Variants in TNIP3 observed in about 807,000 individuals in gnomAD.
TNIP3 encodes the protein TNFAIP3-interacting protein 3.
Under a neutral mutation model 54.1 loss-of-function variants are expected in TNIP3, and 34 were observed. The ratio of observed to expected loss-of-function variants is 0.63; its 90% CI spans 0.48 to 0.84. The LOEUF (loss-of-function observed/expected upper bound fraction) is 0.84. TNIP3 is among the 40% of genes least tolerant of loss of function. The pLI is 0.00. For missense variants in TNIP3, 366 were observed against 387.6 expected, an observed-to-expected ratio of 0.94 and a Z score of 0.47; for synonymous variants, 134 against 136.8, an observed-to-expected ratio of 0.98 and a Z score of 0.14.
At chr4:121,198,671 A>G (rs1438586503) in intron 2 of TNIP3, among the ~76,000 whole-genome samples, 3 of 152,256 alleles carry the variant, frequency 2.0e-5, no homozygotes, top group Non-Finnish European at 4.4e-5. Context: ...GTTCCTTAAT[A>G]AACATGGCTT....
intron 1 of TNIP3, among the ~76,000 whole-genome samples, chr4:121,224,344 C>G (rs902844900): frequency 6.8e-6 from 1 of 147,864 alleles, no homozygotes; most frequent in Non-Finnish European, 1.5e-5. Context: ...GCCTGGGCAA[C>G]AGAGCAAGAC....
intron 5 of TNIP3, among the ~76,000 whole-genome samples, chr4:121,151,706 A>G (rs1386185914): frequency 6.6e-6 from 1 of 152,072 alleles, no homozygotes; most frequent in East Asian, 1.9e-4. Context: ...GGAATAGACT[A>G]CTTTTGTAGA....
In TNIP3 at chr4:121,164,228, A is replaced by C. The variant is rs1279029472; in HGVS notation, c.-103T>G. 2 of 1,573,712 alleles carry C rather than the reference A, an allele frequency of 1.3e-6. No homozygotes were observed. Among genetic ancestry groups the C allele is most frequent in the Non-Finnish European group, 1.7e-6 (2 of 1,163,610 alleles). ...AGAGCAAGTATACAAAATTTAAAAAACACACATCACCGTTAACTCATAATA... is the reference window on the plus strand; with the variant it reads ...AGAGCAAGTATACAAAATTTAAAAACCACACATCACCGTTAACTCATAATA... On this transcript the variant is annotated 5_prime_UTR_variant, in exon 1 of 11. Transcript: ENST00000057513.
At chr4:121,167,621 AC>A (rs1182701891), upstream of TNIP3, among the ~76,000 whole-genome samples, 1 of 152,160 alleles carries the variant, frequency 6.6e-6, no homozygotes, top group Non-Finnish European at 1.5e-5. Context: ...AGAAATGTTG[AC>A]CTTATAGGCC....
intron 2 of TNIP3, among the ~76,000 whole-genome samples, chr4:121,185,483 C>T (rs1374597947): frequency 2.6e-5 from 4 of 151,986 alleles, no homozygotes; most frequent in Admixed American, 6.6e-5. Flanking sequence ...TACTTTTCTC[C>T]TCCCTTGCCC....
chr4:121,180,915 A>G (rs1724655698), intron 3 of TNIP3, among the ~76,000 whole-genome samples: 2 of 152,206 alleles, frequency 1.3e-5, no homozygotes, highest in Non-Finnish European at 1.5e-5. Context: ...CAGTCTCTGT[A>G]GATGTCTTTA....
At chr4:121,220,533 T>C (rs969807014), upstream of TNIP3, among the ~76,000 whole-genome samples, 1 of 152,220 alleles carries the variant, frequency 6.6e-6, no homozygotes, top group Non-Finnish European at 1.5e-5. Context: ...TCAAATTTGG[T>C]AACTTAACCT....
intron 2 of TNIP3, among the ~76,000 whole-genome samples, chr4:121,210,529 C>A (rs1726424931): frequency 6.6e-6 from 1 of 152,180 alleles, no homozygotes; most frequent in South Asian, 2.1e-4. Flanking sequence ...GTGTCTTAGT[C>A]TTCTTGAGTT....
chr4:121,206,720 C>A (rs1220567306), intron 2 of TNIP3, among the ~76,000 whole-genome samples: 1 of 152,004 alleles, frequency 6.6e-6, no homozygotes, highest in Non-Finnish European at 1.5e-5. Flanking sequence ...TGTCACCATG[C>A]TCAGCTAATT....
At chr4:121,215,240 C>T (rs535943264) in intron 2 of TNIP3, among the ~76,000 whole-genome samples, 7 of 152,244 alleles carry the variant, frequency 4.6e-5, no homozygotes, top group South Asian at 2.1e-4. Context: ...TTAATGAAAA[C>T]GTTCTCATAG....
rs757743871 is a variant in TNIP3 at position 121,164,163 on chromosome 4, A to C, written c.-38T>G. The C allele has an allele frequency of 1.2e-6, 2 of 1,613,260 alleles. No homozygotes were observed. Among genetic ancestry groups the C allele is most frequent in the Non-Finnish European group, 8.5e-7 (1 of 1,179,592 alleles). ...TCCTGGAGTCTTGGAAAGCAGAAAGAAAAACAGGGGAAAAGTCTCTTAAGG... is the reference window on the plus strand; with the variant it reads ...TCCTGGAGTCTTGGAAAGCAGAAAGCAAAACAGGGGAAAAGTCTCTTAAGG... On this transcript the variant is annotated 5_prime_UTR_variant, in exon 1 of 11. Transcript: ENST00000057513.
At chr4:121,202,084 AAG>A (rs1725923442) in intron 2 of TNIP3, among the ~76,000 whole-genome samples, 2 of 152,166 alleles carry the variant, frequency 1.3e-5, no homozygotes, top group Admixed American at 1.3e-4. Flanking sequence ...GAACCAAAAA[AAG>A]AGCCCACACA....
intron 8 of TNIP3, 83 bp downstream of exon 8, chr4:121,142,643 G>C: frequency 7.8e-7 from 1 of 1,278,308 alleles, no homozygotes; most frequent in Non-Finnish European, 1.1e-6. Flanking sequence ...ACCTGTAGCA[G>C]AGCTTGAACA....
At chr4:121,209,432 G>A (rs183325836) in intron 2 of TNIP3, among the ~76,000 whole-genome samples, 48 of 152,286 alleles carry the variant, frequency 3.2e-4, no homozygotes, top group Non-Finnish European at 5.7e-4. Context: ...TTCTGGTAGT[G>A]TCAACACCAA....
At chr4:121,135,669 G>A (rs1728739574) in intron 10 of TNIP3, among the ~76,000 whole-genome samples, 2 of 152,158 alleles carry the variant, frequency 1.3e-5, no homozygotes, top group South Asian at 4.1e-4. Context: ...AAAGCGCTGG[G>A]ATTATAGGCA....
In TNIP3 at chr4:121,141,425, T is replaced by C. The variant is rs566046214; in HGVS notation, c.885+391A>G. Among the ~76,000 whole-genome samples the C allele has an allele frequency of 2.1e-3, 319 of 152,338 alleles. 2 individuals carry two copies. The highest frequency in any genetic ancestry group is 7.3e-3 in the African/African-American group (304 of 41,578). ...TTTTGCACATATGTAGCAATATCCATAGTAGTTCAATATAAATTTACAACC... is the reference window on the plus strand; with the variant it reads ...TTTTGCACATATGTAGCAATATCCACAGTAGTTCAATATAAATTTACAACC... On this transcript the variant is annotated intron_variant, in intron 9 of 10. Transcript: ENST00000057513.
chr4:121,152,255 T>C (rs1729806578), intron 5 of TNIP3, among the ~76,000 whole-genome samples: 1 of 152,208 alleles, frequency 6.6e-6, no homozygotes, highest in Non-Finnish European at 1.5e-5. Context: ...GAGTAACTTT[T>C]GTTTATCACA....
chr4:121,139,637 C>T (rs541757902), intron 9 of TNIP3, among the ~76,000 whole-genome samples: 14 of 152,280 alleles, frequency 9.2e-5, no homozygotes, highest in African/African-American at 3.4e-4. Flanking sequence ...CTGAAAGTAG[C>T]CCAGAAAGTT....
At chr4:121,225,325 T>A (rs1211366830) in intron 1 of TNIP3, among the ~76,000 whole-genome samples, 2 of 152,248 alleles carry the variant, frequency 1.3e-5, no homozygotes, top group Non-Finnish European at 2.9e-5. Context: ...ATATGATGTC[T>A]TTGTTTCAAA....
Sources: gnomAD v4.1 joint callset for allele counts (sites outside exome capture counted in the v4.1 genomes callset) on GRCh38, gnomAD v4.1.1 for gene constraint, MANE v1.5 for transcripts, NCBI Gene and HGNC (gene_info 2026-07-23, HGNC 2026-07-21) for gene names.